The following ZRANB3 variants were observed in gnomAD, a reference collection of about 807,000 sequenced individuals.
The protein encoded by ZRANB3 is zinc finger RANBP2-type containing 3, also known as DNA annealing helicase and endonuclease ZRANB3.
Under a neutral mutation model 133.8 loss-of-function variants are expected in ZRANB3, and 125 were observed. The ratio of observed to expected loss-of-function variants is 0.93; its 90% CI spans 0.81 to 1.08. The LOEUF is 1.08. Ranked by LOEUF, ZRANB3 falls within the 50% of genes least tolerant of loss-of-function variation. ZRANB3 has a pLI of 0.00. For missense variants in ZRANB3, 1,229 were observed against 1,275.5 expected (o/e 0.96, Z 0.56); for synonymous variants, 387 against 432.7 (o/e 0.89, Z 1.31).
In ZRANB3 at chr2:135,237,193, C is replaced by T. The variant is rs1448623107; in HGVS notation, c.1540-6266G>A. On this transcript the variant is annotated intron_variant, in intron 12 of 20. Transcript: ENST00000264159. ...CAGCCAAAAGACACATGAAAAAATG[C>T]TCATCATCACTGGCCATCAGAGAAA... Among the ~76,000 whole-genome samples the T allele has an allele frequency of 5.3e-5, 8 of 151,794 alleles. No individual in the cohort carries two copies. In the East Asian group the frequency reaches 1.5e-3, roughly 29 times the overall value.
chr2:135,246,668 T>G (rs976226121), intron 12 of ZRANB3, among the ~76,000 whole-genome samples: 4 of 152,224 alleles, frequency 2.6e-5, no homozygotes, highest in Non-Finnish European at 5.9e-5. Flanking sequence ...AAGTGGAAGA[T>G]AGAAGAACAT....
chr2:135,303,170 T>C (rs1302892247), intron 8 of ZRANB3, among the ~76,000 whole-genome samples: 1 of 152,160 alleles, frequency 6.6e-6, no homozygotes, highest in Non-Finnish European at 1.5e-5. Flanking sequence ...CATTTTCATT[T>C]TCCTAACAGT....
chr2:135,523,796 T>C (rs925182932), intron 1 of ZRANB3, among the ~76,000 whole-genome samples: 1 of 152,204 alleles, frequency 6.6e-6, no homozygotes, highest in Non-Finnish European at 1.5e-5. Flanking sequence ...TTTCAGTAGA[T>C]GCTCAGTAAA....
chr2:135,409,526 A>G (rs984375030), intron 2 of ZRANB3, among the ~76,000 whole-genome samples: 1 of 152,194 alleles, frequency 6.6e-6, no homozygotes, highest in Admixed American at 6.6e-5. Flanking sequence ...CCCACAGCCA[A>G]CATCATACTG....
intron 3 of ZRANB3, among the ~76,000 whole-genome samples, chr2:135,358,252 G>A (rs985703273): frequency 6.6e-6 from 1 of 152,158 alleles, no homozygotes; most frequent in Non-Finnish European, 1.5e-5. Context: ...TAAGGCTAAC[G>A]TGTATGCAGA....
intron 2 of ZRANB3, among the ~76,000 whole-genome samples, chr2:135,483,230 G>A (rs924250545): frequency 2.0e-5 from 3 of 151,480 alleles, no homozygotes; most frequent in African/African-American, 7.3e-5. Flanking sequence ...GAATTCGGCT[G>A]TGAATACATC....
intron 2 of ZRANB3, among the ~76,000 whole-genome samples, chr2:135,404,645 A>C (rs1227628679): frequency 6.6e-6 from 1 of 152,216 alleles, no homozygotes; most frequent in Non-Finnish European, 1.5e-5. Context: ...AAGACACACA[A>C]TTCTCAGATT....
intron 12 of ZRANB3, among the ~76,000 whole-genome samples, chr2:135,256,763 C>T (rs945406554): frequency 6.6e-6 from 1 of 152,128 alleles, no homozygotes; most frequent in African/African-American, 2.4e-5. Context: ...GGATGTTAGG[C>T]ATTCTTAGTC....
In ZRANB3 at chr2:135,482,524, A is replaced by G. The variant is rs377053162; in HGVS notation, c.161+21805T>C. On this transcript the variant is annotated intron_variant, in intron 2 of 20. Transcript: ENST00000264159. ...GCTTAAGGAGATTTTGGGCTGAGACAATGGGGTTTTCTAGATATACAATCA... is the reference window on the plus strand; with the variant it reads ...GCTTAAGGAGATTTTGGGCTGAGACGATGGGGTTTTCTAGATATACAATCA... 3.7e-3 allele frequency among the ~76,000 whole-genome samples: 559 copies of G among 150,278 alleles called. 1 individual carries two copies. The highest frequency in any genetic ancestry group is 4.9e-3 in the Admixed American group (74 of 15,092).
chr2:135,411,319 G>C (rs1322340688), intron 2 of ZRANB3, among the ~76,000 whole-genome samples: 1 of 152,066 alleles, frequency 6.6e-6, no homozygotes, highest in Non-Finnish European at 1.5e-5. Context: ...GGGGGGAGGT[G>C]AGTGTAAATT....
chr2:135,466,264 T>A (rs1002833564), intron 2 of ZRANB3, among the ~76,000 whole-genome samples: 2 of 151,328 alleles, frequency 1.3e-5, no homozygotes, highest in African/African-American at 2.4e-5. Context: ...ATGCCTGTAG[T>A]CCCAGCTACT....
chr2:135,436,909 G>T (rs964995431), intron 2 of ZRANB3, among the ~76,000 whole-genome samples: 2 of 152,142 alleles, frequency 1.3e-5, no homozygotes, highest in African/African-American at 4.8e-5. Flanking sequence ...ATTCATAATA[G>T]ATTAAAATGG....
intron 3 of ZRANB3, among the ~76,000 whole-genome samples, chr2:135,375,881 C>T (rs1686409339): frequency 6.6e-6 from 1 of 151,926 alleles, no homozygotes; most frequent in Non-Finnish European, 1.5e-5. Context: ...ATTGTCTTAC[C>T]ATATGTTATG....
At chr2:135,339,673 T>A (rs1388806035) in intron 6 of ZRANB3, among the ~76,000 whole-genome samples, 6 of 152,270 alleles carry the variant, frequency 3.9e-5, no homozygotes, top group Admixed American at 3.9e-4. Context: ...TATACTGTTT[T>A]GTTAAATGTT....
At chr2:135,455,151 G>T (rs1394337371) in intron 2 of ZRANB3, among the ~76,000 whole-genome samples, 1 of 141,712 alleles carries the variant, frequency 7.1e-6, no homozygotes, top group Admixed American at 7.4e-5. Flanking sequence ...CACTGAATGG[G>T]ATCACAATGC....
At chr2:135,494,136 GGGAA>G (rs529553987) in intron 2 of ZRANB3, among the ~76,000 whole-genome samples, 8,649 of 105,094 alleles carry the variant, frequency 0.082, 886 homozygotes, top group African/African-American at 0.18. Context: ...GAGGGAGAGA[GGGAA>G]GGAAGGAAGG....
In ZRANB3 at chr2:135,275,730, T is replaced by C. The variant is rs1558880225; in HGVS notation, c.992A>G (p.Lys331Arg). ...AKAGAVKDYI[K>R]MMLQNDSLKF... Reference sequence around the variant, plus strand: ...AAGCGAATCATTCTGAAGCATCATCTTAATATAATCCTTTACAGCACCTGC... The same window carrying C: ...AAGCGAATCATTCTGAAGCATCATCCTAATATAATCCTTTACAGCACCTGC... The change falls in exon 9 of 21, where the codon AAG becomes AGG. Residue 331 changes from lysine to arginine, a missense_variant. Lys to Arg is a conservative substitution (Grantham distance 26, BLOSUM62 2). Coordinates refer to ENST00000264159, the MANE Select transcript of ZRANB3 (RefSeq NM_032143.4). The C allele has an allele frequency of 1.9e-6, 3 of 1,596,346 alleles. No homozygotes were observed. The highest frequency in any genetic ancestry group is 1.7e-6 in the Non-Finnish European group (2 of 1,170,260).
intron 12 of ZRANB3, among the ~76,000 whole-genome samples, chr2:135,236,142 C>T (rs1169795721): frequency 9.9e-5 from 15 of 151,910 alleles, no homozygotes; most frequent in East Asian, 1.9e-4. Context: ...TATACACCAT[C>T]AACAGACAAA....
chr2:135,389,592 C>T (rs1389669439), intron 3 of ZRANB3, among the ~76,000 whole-genome samples: 2 of 151,910 alleles, frequency 1.3e-5, no homozygotes, highest in African/African-American at 2.4e-5. Flanking sequence ...GTAGTCCCAC[C>T]TACTGGGGAG....
Sources: gnomAD v4.1 joint callset for allele counts (sites outside exome capture counted in the v4.1 genomes callset) on GRCh38, gnomAD v4.1.1 for gene constraint, MANE v1.5 for transcripts, NCBI Gene and HGNC (gene_info 2026-07-23, HGNC 2026-07-21) for gene names.